TACR3: variants seen among roughly 807,000 people sequenced by gnomAD.
The protein encoded by TACR3 is neuromedin-K receptor.
Under a neutral mutation model 35.0 loss-of-function variants are expected in TACR3, and 34 were observed. That is an observed-to-expected ratio of 0.97 (90% CI 0.74 to 1.30). The LOEUF is 1.30. TACR3 is among the 50% of genes most tolerant of loss of function. The pLI, the probability that TACR3 is intolerant of heterozygous loss-of-function variation, is 0.00. For synonymous variants in TACR3, 233 were observed against 221.1 expected, an observed-to-expected ratio of 1.05 and a Z score of -0.48; for missense variants, 558 against 591.7, an observed-to-expected ratio of 0.94 and a Z score of 0.59.
intron 1 of TACR3, among the ~76,000 whole-genome samples, chr4:103,710,027 C>T (rs1295967252): frequency 1.3e-5 from 2 of 151,590 alleles, no homozygotes; most frequent in Non-Finnish European, 3.0e-5. Context: ...TAGAGACCTA[C>T]AGAGACTTTG....
At chr4:103,689,107 G>A (rs1307841208) in intron 1 of TACR3, among the ~76,000 whole-genome samples, 1 of 151,580 alleles carries the variant, frequency 6.6e-6, no homozygotes, top group Admixed American at 6.6e-5. Flanking sequence ...GTAGGGACAT[G>A]GATGAAATTG....
chr4:103,603,582 T>C (rs112609919), intron 3 of TACR3, among the ~76,000 whole-genome samples: 5,161 of 152,286 alleles, frequency 0.034, 332 homozygotes, highest in African/African-American at 0.12. Context: ...TTGATGGGCA[T>C]TTGGGTTGGT....
Position 103,586,821 on chromosome 4 carries a change from A to G in TACR3, c.*2861T>C, listed in dbSNP as rs1324521535. On this transcript the variant is annotated 3_prime_UTR_variant, in exon 5 of 5. Transcript: ENST00000304883. The stretch of plus-strand genomic sequence containing the variant: ...TGTCCGCTTTAATATTTTCCCATAC[A>G]GGTAATTTCAATATCTTGTACTTTG... 2 of 152,122 alleles carry G rather than the reference A, an allele frequency of 1.3e-5. No homozygotes were observed. Among genetic ancestry groups the G allele is most frequent in the Non-Finnish European group, 2.9e-5 (2 of 68,022 alleles). 9.4% of individuals were successfully genotyped at this position (152,122 alleles called of 1,614,324 possible).
intron 3 of TACR3, among the ~76,000 whole-genome samples, chr4:103,603,675 T>C (rs891956516): frequency 1.3e-5 from 2 of 152,214 alleles, no homozygotes; most frequent in East Asian, 1.9e-4. Flanking sequence ...TATAATCCTT[T>C]GGGTATATAC....
At chr4:103,651,085 G>T (rs917110777) in intron 3 of TACR3, among the ~76,000 whole-genome samples, 1 of 144,380 alleles carries the variant, frequency 6.9e-6, no homozygotes, top group Non-Finnish European at 1.5e-5. Flanking sequence ...TTGCAGGCTG[G>T]CATACTACAA....
chr4:103,660,366 T>C (rs1420863257), intron 1 of TACR3, among the ~76,000 whole-genome samples: 2 of 152,066 alleles, frequency 1.3e-5, no homozygotes. Context: ...TATGAAAGCA[T>C]AGAACAGATA....
chr4:103,653,014 A>G (rs1271674500), intron 3 of TACR3, among the ~76,000 whole-genome samples: 2 of 152,140 alleles, frequency 1.3e-5, no homozygotes. Context: ...AACAATATGC[A>G]TATTAGTGCC....
intron 3 of TACR3, among the ~76,000 whole-genome samples, chr4:103,604,241 C>A (rs1724291008): frequency 6.6e-6 from 1 of 152,274 alleles, no homozygotes; most frequent in East Asian, 1.9e-4. Flanking sequence ...CACCACACAT[C>A]TACAACCATC....
At chr4:103,709,861 A>C (rs1019952012) in intron 1 of TACR3, among the ~76,000 whole-genome samples, 1 of 152,178 alleles carries the variant, frequency 6.6e-6, no homozygotes, top group Non-Finnish European at 1.5e-5. Flanking sequence ...TTGCAATCCT[A>C]GTCTCTGATA....
intron 1 of TACR3, among the ~76,000 whole-genome samples, chr4:103,714,789 G>C (rs945958251): frequency 8.6e-5 from 13 of 152,010 alleles, no homozygotes; most frequent in African/African-American, 3.1e-4. Flanking sequence ...TATAATGTTG[G>C]TAATGATGCA....
chr4:103,650,808 AATAATATATTATATAATAATATATATATC>A (rs1225641685), intron 3 of TACR3, among the ~76,000 whole-genome samples: 72 of 6,490 alleles, frequency 0.011, 12 homozygotes, highest in African/African-American at 0.1. Context: ...TTTTATATAT[AATAATATATTATATAATAATATATATATC>A]TTATATATAA....
intron 1 of TACR3, among the ~76,000 whole-genome samples, chr4:103,686,990 A>C (rs1722261116): frequency 6.6e-6 from 1 of 152,188 alleles, no homozygotes; most frequent in Non-Finnish European, 1.5e-5. Flanking sequence ...TGATGCAAAA[A>C]TCCTCAATAA....
intron 1 of TACR3, among the ~76,000 whole-genome samples, chr4:103,703,872 G>T (rs1455603093): frequency 2.0e-5 from 3 of 151,820 alleles, no homozygotes; most frequent in Non-Finnish European, 4.4e-5. Flanking sequence ...AGGCTGAGGT[G>T]GGCGGATCAC....
At chr4:103,634,001 A>G (rs1270791757) in intron 3 of TACR3, among the ~76,000 whole-genome samples, 2 of 152,110 alleles carry the variant, frequency 1.3e-5, no homozygotes, top group Non-Finnish European at 2.9e-5. Context: ...TCTGCTCACA[A>G]AAGGTCGGAA....
chr4:103,617,117 T>C (rs1217022136), intron 3 of TACR3, among the ~76,000 whole-genome samples: 1 of 152,048 alleles, frequency 6.6e-6, no homozygotes, highest in African/African-American at 2.4e-5. Flanking sequence ...CAACAAAAAA[T>C]TATGAGACAT....
intron 3 of TACR3, among the ~76,000 whole-genome samples, chr4:103,603,026 G>A (rs561325657): frequency 6.6e-6 from 1 of 152,246 alleles, no homozygotes; most frequent in Non-Finnish European, 1.5e-5. Flanking sequence ...CTTGAGCTGT[G>A]GTGGGCTCTG....
intron 1 of TACR3, among the ~76,000 whole-genome samples, chr4:103,660,236 A>G (rs1163273764): frequency 1.3e-5 from 2 of 151,588 alleles, no homozygotes; most frequent in African/African-American, 4.9e-5. Flanking sequence ...TTCATTATGT[A>G]TAACAGCCAT....
At chr4:103,670,663 G>T (rs1726038670) in intron 1 of TACR3, among the ~76,000 whole-genome samples, 1 of 151,924 alleles carries the variant, frequency 6.6e-6, no homozygotes, top group Non-Finnish European at 1.5e-5. Flanking sequence ...TGTTGATTTT[G>T]TATTGTCCAA....
intron 1 of TACR3, among the ~76,000 whole-genome samples, chr4:103,686,171 T>C (rs1193047647): frequency 1.3e-5 from 2 of 152,194 alleles, no homozygotes; most frequent in Non-Finnish European, 2.9e-5. Flanking sequence ...GGCTGATGCA[T>C]GCACAGGGCT....
Sources: allele counts gnomAD v4.1 joint callset (sites outside exome capture counted in the v4.1 genomes callset), GRCh38; gene constraint gnomAD v4.1.1; transcripts MANE v1.5; gene names NCBI Gene and HGNC (gene_info 2026-07-23, HGNC 2026-07-21).